Variants in HDLBP observed in about 807,000 individuals in gnomAD.
HDLBP encodes the protein vigilin.
A neutral mutation model predicts 137.3 loss-of-function variants in HDLBP; 30 were observed. The ratio of observed to expected loss-of-function variants is 0.22; its 90% CI spans 0.16 to 0.30. The LOEUF (loss-of-function observed/expected upper bound fraction) is 0.30. Among genes scored for constraint, HDLBP ranks in the 10% least tolerant of loss-of-function variants. The pLI is 1.00. For missense variants in HDLBP, 1,119 were observed against 1,667.3 expected (o/e 0.67, Z 5.73); for synonymous variants, 606 against 596.0 (o/e 1.02, Z -0.24).
At chr2:241,271,876 G>A (rs1318171277) in intron 1 of HDLBP, 4 of 152,236 alleles carry the variant, frequency 2.6e-5, no homozygotes, top group South Asian at 2.1e-4. Flanking sequence ...GACCACAGGC[G>A]ACTGGCGAGC....
At position 241,229,458 on chromosome 2, in the gene HDLBP, G is replaced by T; in HGVS notation, c.*143C>A. On this transcript the variant is annotated 3_prime_UTR_variant, in exon 28 of 28. Coordinates refer to ENST00000310931, the MANE Select transcript of HDLBP (RefSeq NM_005336.6). Reference sequence around the variant, plus strand: ...GGAGCGGCCGCACACACAGCCAGGCGCTAGGCTCCCTGCGGGACCTCGGGA... The same window carrying T: ...GGAGCGGCCGCACACACAGCCAGGCTCTAGGCTCCCTGCGGGACCTCGGGA... 1 of 641,778 alleles carries T rather than the reference G, an allele frequency of 1.6e-6. No individual in the cohort carries two copies. Among genetic ancestry groups the T allele is most frequent in the South Asian group, 1.9e-5 (1 of 52,534 alleles). The allele number at this position is 641,778 out of a possible 1,614,324, so 39.8% of individuals were successfully genotyped here.
rs7578199 is a variant in HDLBP at position 241,253,433 on chromosome 2, T to C, written c.1253A>G (p.Asn418Ser). 346,050 of 1,610,946 alleles carry C rather than the reference T, an allele frequency of 0.21. 40,645 individuals are homozygous for C. The highest frequency in any genetic ancestry group is 0.28 in the Middle Eastern group (1,684 of 6,052). ...ITLEGPTEDV[N>S]VAQEQIEGMV... ...GCCTTCTATCTGTTCCTGGGCCACA[T>C]TGACATCCTCTGTAGGGCCCTCCAG... The change falls in exon 10 of 28, where the codon AAT becomes AGT. Residue 418 changes from asparagine (N) to serine (S), a missense_variant. Coordinates refer to ENST00000310931, the MANE Select transcript of HDLBP (RefSeq NM_005336.6).
At chr2:241,298,507 G>A (rs2075270194) in intron 1 of HDLBP, among the ~76,000 whole-genome samples, 2 of 152,098 alleles carry the variant, frequency 1.3e-5, no homozygotes, top group African/African-American at 4.8e-5. Context: ...AATTAACTGG[G>A]GAAACCATGA....
rs2074220023 is a variant in HDLBP, at chr2:241,272,885, C to T, written c.-102-4344G>A. On this transcript the variant is annotated intron_variant, in intron 1 of 27. Transcript: ENST00000310931. The surrounding 1 kb of genome is among the most constrained non-coding windows in gnomAD (Gnocchi z 5.6). ...ATATAGGGCGGCGGCCCAATCCCGC[C>T]TGGACACGTCAGCGCCCGCCCGCCC... 4.4e-6 allele frequency: 2 copies of T among 456,258 alleles called. No individual in the cohort carries two copies. Among genetic ancestry groups the T allele is most frequent in the South Asian group, 9.1e-5 (1 of 11,046 alleles). 28.3% of individuals were successfully genotyped at this position (456,258 alleles called of 1,614,324 possible). A position where few individuals can be genotyped will look rare whatever the true frequency, so the allele number is the denominator to read the frequency against.
chr2:241,242,718 T>TTGTG lies in HDLBP; in HGVS notation c.1951-44_1951-41dup, dbSNP rs747874155. ...AGGGCAGGAGGAGGAAGTCACATTT[T>TTGTG]TGTGGCAAAAAGGGCAGAGGAAAAG... On this transcript the variant is annotated intron_variant, in intron 16 of 27. Transcript: ENST00000310931. 31 of 1,552,320 alleles carry TTGTG rather than the reference T, an allele frequency of 2.0e-5. No homozygotes were observed. In the South Asian group the frequency reaches 3.4e-4, roughly 17 times the overall value.
Position 241,239,884 on chromosome 2 carries a change from C to T in HDLBP, c.2391+17G>A, listed in dbSNP as rs753061159. 2.5e-5 allele frequency: 41 copies of T among 1,612,828 alleles called. No individual in the cohort carries two copies. The highest frequency in any genetic ancestry group is 4.4e-5 in the South Asian group (4 of 91,078). ...TCACGGCCCCAGCAGAGTCGGCCGCCGAGGCCCGCTCCCTACCAGGTTTTG... is the reference window on the plus strand; with the variant it reads ...TCACGGCCCCAGCAGAGTCGGCCGCTGAGGCCCGCTCCCTACCAGGTTTTG... On this transcript the variant is annotated intron_variant, in intron 18 of 27. Coordinates refer to ENST00000310931, the MANE Select transcript of HDLBP (RefSeq NM_005336.6). The surrounding 1 kb of genome is among the most constrained non-coding windows in gnomAD (Gnocchi z 4.6).
chr2:241,262,611 A>G (rs2073295214), intron 5 of HDLBP, 100 bp downstream of exon 5: 1 of 849,492 alleles, frequency 1.2e-6, no homozygotes, highest in African/African-American at 1.7e-5. Context: ...GAACTGTCCC[A>G]CTGGTAGGAA....
chr2:241,273,458 C>CA, intron 1 of HDLBP: 1 of 475,336 alleles, frequency 2.1e-6, no homozygotes, highest in Middle Eastern at 1.1e-3. Context: ...CCTCTGAGCC[C>CA]ACGGTGGATA....
intron 5 of HDLBP, 32 bp from the exon 6 acceptor site, chr2:241,256,838 A>G (rs567827132): frequency 1.3e-6 from 2 of 1,579,636 alleles, no homozygotes; most frequent in African/African-American, 2.7e-5. Context: ...AGAAAACAAG[A>G]ATATTTGTAG....
Position 241,236,726 on chromosome 2 carries a change from A to G in HDLBP, c.2793T>C (p.Ala931=), listed in dbSNP as rs766636172. 32 of 1,613,968 alleles carry G rather than the reference A, an allele frequency of 2.0e-5. 1 individual carries two copies. In the South Asian group the frequency reaches 3.2e-4, roughly 16 times the overall value. The stretch of plus-strand genomic sequence containing the variant: ...AATCTTTAGCCTCTCTCCCCTCCCC[A>G]GCTTCGTCCCCATTCTCCTGGACAA... The part of the protein sequence containing the change: ...EPVVQENGDE[A]GEGREAKDCD... The change falls in exon 21 of 28, where the codon GCT becomes GCC. Residue 931 remains alanine, a synonymous_variant. Transcript: ENST00000310931.
chr2:241,310,766 G>A (rs1413142796), intron 1 of HDLBP, among the ~76,000 whole-genome samples: 2 of 152,140 alleles, frequency 1.3e-5, no homozygotes, highest in East Asian at 1.9e-4. Flanking sequence ...TAGGCAAGAC[G>A]ATGGATGAAA....
At chr2:241,287,307 C>CT (rs1181870522) in intron 1 of HDLBP, among the ~76,000 whole-genome samples, 1 of 151,802 alleles carries the variant, frequency 6.6e-6, no homozygotes, top group Non-Finnish European at 1.5e-5. Context: ...CACAGGGTTT[C>CT]ACATTGTTGG....
intron 15 of HDLBP, 76 bp from the exon 16 acceptor site, chr2:241,246,959 G>T: frequency 1.3e-6 from 2 of 1,583,814 alleles, no homozygotes; most frequent in Non-Finnish European, 1.7e-6. Context: ...CACAGGGCTA[G>T]AAGTAAGGAA....
At chr2:241,300,690 C>T (rs2075364603) in intron 1 of HDLBP, among the ~76,000 whole-genome samples, 1 of 152,188 alleles carries the variant, frequency 6.6e-6, no homozygotes, top group South Asian at 2.1e-4. Context: ...AAGACCTTCA[C>T]ATCACCACCT....
intron 1 of HDLBP, among the ~76,000 whole-genome samples, chr2:241,281,567 A>T (rs1397715290): frequency 2.6e-5 from 4 of 152,162 alleles, no homozygotes; most frequent in Admixed American, 2.0e-4. Flanking sequence ...CCAAAAGAAT[A>T]AATTGATGGA....
chr2:241,231,113 G>A (rs1051523247), intron 24 of HDLBP, 169 bp from the exon 25 acceptor site: 16 of 613,670 alleles, frequency 2.6e-5, no homozygotes, highest in South Asian at 5.9e-5. Context: ...GGCCGGGCAC[G>A]GTGGCTCACG....
intron 1 of HDLBP, chr2:241,273,661 C>A: frequency 1.0e-6 from 1 of 985,268 alleles, no homozygotes; most frequent in Non-Finnish European, 1.2e-6. Flanking sequence ...CAGAATCCTG[C>A]ATAGGGCACA....
intron 16 of HDLBP, 60 bp from the exon 17 acceptor site, chr2:241,242,738 GA>G: frequency 7.3e-7 from 1 of 1,378,674 alleles, no homozygotes; most frequent in Non-Finnish European, 1.0e-6. Context: ...AAGGGCAGAG[GA>G]AAAGATAAAC....
At position 241,252,936 on chromosome 2, in the gene HDLBP, G is replaced by A. The variant is rs746020030; in HGVS notation, c.1372+21C>T. ...GGTCTCAGGGCACACTGGCCCCACC[G>A]CAACAGACAGCCTCACTCACTGTTG... On this transcript the variant is annotated intron_variant, in intron 11 of 27. Coordinates refer to ENST00000310931, the MANE Select transcript of HDLBP (RefSeq NM_005336.6). 53 of 1,571,084 alleles carry A rather than the reference G, an allele frequency of 3.4e-5. No homozygotes were observed. The East Asian group carries it at 5.2e-4, about 15-fold the overall frequency.
Sources: gnomAD v4.1 joint callset for allele counts (sites outside exome capture counted in the v4.1 genomes callset) on GRCh38, gnomAD v4.1.1 for gene constraint, Gnocchi (gnomAD v3.1) non-coding constraint, MANE v1.5 for transcripts, NCBI Gene and HGNC (gene_info 2026-07-23, HGNC 2026-07-21) for gene names.